Variants in ATP11C observed in about 807,000 individuals in gnomAD.
ATP11C encodes phospholipid-transporting ATPase IG.
Under a neutral mutation model 97.4 loss-of-function variants are expected in ATP11C, and 36 were observed. The ratio of observed to expected loss-of-function variants is 0.37; its 90% confidence interval spans 0.28 to 0.49. The LOEUF is 0.49. Among genes scored for constraint, ATP11C ranks in the 20% least tolerant of loss-of-function variants. The probability of loss-of-function intolerance (pLI) is 0.98; values close to 1 mark genes in which losing one functional copy is unlikely to be tolerated. For missense variants in ATP11C, 730 were observed against 824.6 expected (o/e 0.89, Z 1.40); for synonymous variants, 275 against 290.9 (o/e 0.95, Z 0.56).
chrX:139,789,127 T>C (rs963402732), intron 13 of ATP11C, among the ~76,000 whole-genome samples, 200 bp downstream of exon 13: 1 of 108,154 alleles, frequency 9.2e-6, no homozygotes, highest in African/African-American at 3.4e-5. Flanking sequence ...CGCTTGAACC[T>C]GGGAAGCGGA....
Position 139,787,218 on chromosome X carries a change from C to T in ATP11C, c.1547G>A (p.Arg516Gln), listed in dbSNP as rs367833293. 2.7e-5 allele frequency: 32 copies of T among 1,188,964 alleles called. No homozygotes were observed. The South Asian group carries it at 3.9e-4, about 15-fold the overall frequency. The change falls in exon 15 of 30, where the codon CGA becomes CAA. Residue 516 changes from arginine (R) to glutamine (Q), a missense_variant. Physicochemically the swap from Arg to Gln is conservative, Grantham distance 43. Transcript: ENST00000682941. ...GTTCTCTACTCTCATATATCCATTT[C>T]GATTTCCTAAAAATGTGAACCCGTA... ...KRYGFTFLGN[R>Q]NGYMRVENQR...
intron 23 of ATP11C, among the ~76,000 whole-genome samples, chrX:139,756,578 C>T (rs908111578): frequency 2.3e-4 from 26 of 111,594 alleles, no homozygotes; most frequent in African/African-American, 8.5e-4. Flanking sequence ...ACCTAAATTC[C>T]CATCAATGGT....
At chrX:139,819,274 A>G (rs1459950352) in intron 3 of ATP11C, 64 bp downstream of exon 3, 6 of 445,762 alleles carry the variant, frequency 1.3e-5, no homozygotes, top group Non-Finnish European at 2.2e-5. Flanking sequence ...TTAGAAATAG[A>G]TTGAAAATTC....
intron 19 of ATP11C, among the ~76,000 whole-genome samples, chrX:139,769,783 G>A: frequency 9.0e-6 from 1 of 111,017 alleles, no homozygotes; most frequent in Non-Finnish European, 1.9e-5. Context: ...AGTTTAACGT[G>A]CAAAGGAATC....
chrX:139,866,343 C>CAAAAAAAAAAA (rs57250412), intron 1 of ATP11C, among the ~76,000 whole-genome samples: 12 of 27,540 alleles, frequency 4.4e-4, no homozygotes, highest in Admixed American at 1.8e-3. Flanking sequence ...GACTCTGTCT[C>CAAAAAAAAAAA]AAAAAAAAAA....
At chrX:139,852,094 G>A (rs1045332755) in intron 1 of ATP11C, among the ~76,000 whole-genome samples, 1 of 108,313 alleles carries the variant, frequency 9.2e-6, no homozygotes, top group Non-Finnish European at 1.9e-5. Flanking sequence ...AATCGCTTGC[G>A]CCCAGGACAT....
chrX:139,914,253 A>T (rs1331525451), intron 1 of ATP11C, among the ~76,000 whole-genome samples: 1 of 112,171 alleles, frequency 8.9e-6, no homozygotes, highest in African/African-American at 3.2e-5. Flanking sequence ...GCTATAATGA[A>T]GATGTTGGAC....
chrX:139,846,373 A>G (rs1413330441), intron 1 of ATP11C, among the ~76,000 whole-genome samples: 3 of 112,366 alleles, frequency 2.7e-5, no homozygotes, highest in Non-Finnish European at 3.8e-5. Context: ...GAAATGGAGT[A>G]TATCTGATAA....
At chrX:139,740,742 AACAG>A (rs1308072700) in intron 27 of ATP11C, among the ~76,000 whole-genome samples, 1 of 111,311 alleles carries the variant, frequency 9.0e-6, no homozygotes, top group African/African-American at 3.3e-5. Context: ...AACACCTTCA[AACAG>A]ACAGAAGCTA....
At chrX:139,757,298 C>T (rs1447946151) in intron 23 of ATP11C, among the ~76,000 whole-genome samples, 1 of 111,703 alleles carries the variant, frequency 9.0e-6, no homozygotes, top group African/African-American at 3.2e-5. Context: ...GATGTCTCGC[C>T]ATCCTACCAC....
Position 139,819,333 on chromosome X carries a change from CT to C in ATP11C, c.237+4del. ...AAGTTAAGTGGCTGTTTAAGGAGCT[CT>C]TACCTGTACAAGGAAGATTATGAGA... On this transcript the variant is annotated splice_donor_region_variant and intron_variant, in intron 3 of 29. Coordinates refer to ENST00000682941, the MANE Select transcript of ATP11C (RefSeq NM_001353812.2). 1 of 997,968 alleles carries C rather than the reference CT, an allele frequency of 1.0e-6. No homozygotes were observed. Among genetic ancestry groups the C allele is most frequent in the South Asian group, 2.8e-5 (1 of 36,361 alleles). 82.2% of individuals were successfully genotyped at this position (997,968 alleles called of 1,213,427 possible). A position where few individuals can be genotyped will look rare whatever the true frequency, so the allele number is the denominator to read the frequency against.
intron 18 of ATP11C, among the ~76,000 whole-genome samples, chrX:139,776,054 C>T (rs2082342735): frequency 8.9e-6 from 1 of 112,052 alleles, no homozygotes; most frequent in African/African-American, 3.2e-5. Context: ...AAGGGCCCTC[C>T]TGGGACAAAA....
intron 2 of ATP11C, among the ~76,000 whole-genome samples, chrX:139,824,830 T>TA (rs1569473162): frequency 1.8e-5 from 2 of 112,317 alleles, no homozygotes; most frequent in African/African-American, 6.5e-5. Context: ...CCAATTAAGA[T>TA]AGTTATTTTT....
chrX:139,841,029 T>A (rs986143686), intron 1 of ATP11C, among the ~76,000 whole-genome samples: 141 of 112,438 alleles, frequency 1.3e-3, no homozygotes, highest in Middle Eastern at 4.7e-3. Context: ...AAAATTTTTT[T>A]AAAGACTCTG....
intron 1 of ATP11C, among the ~76,000 whole-genome samples, chrX:139,896,948 C>T (rs981669614): frequency 3.6e-5 from 4 of 111,126 alleles, no homozygotes; most frequent in African/African-American, 1.3e-4. Context: ...GGAAACTGAA[C>T]CAGGTGTGGT....
chrX:139,918,796 TG>T (rs1461527125), intron 1 of ATP11C, among the ~76,000 whole-genome samples: 1 of 108,836 alleles, frequency 9.2e-6, no homozygotes, highest in East Asian at 2.9e-4. Context: ...CTGCATGAAG[TG>T]GGGGAGCTGT....
chrX:139,920,062 C>A (rs747557062), intron 1 of ATP11C, among the ~76,000 whole-genome samples: 1 of 111,244 alleles, frequency 9.0e-6, no homozygotes, highest in African/African-American at 3.3e-5. Flanking sequence ...GTATTCTCTG[C>A]CTTCAAAAGG....
intron 22 of ATP11C, among the ~76,000 whole-genome samples, chrX:139,759,215 A>G (rs926724836): frequency 1.3e-4 from 14 of 111,745 alleles, no homozygotes; most frequent in Non-Finnish European, 2.4e-4. Flanking sequence ...ACCCACCAGA[A>G]TGTAAGTCTC....
intron 4 of ATP11C, among the ~76,000 whole-genome samples, chrX:139,816,379 A>G (rs759457969): frequency 3.6e-5 from 4 of 111,923 alleles, no homozygotes; most frequent in Non-Finnish European, 3.8e-5. Flanking sequence ...AAAGACATCC[A>G]TATCACAATC....
Sources: gnomAD v4.1 joint callset for allele counts (sites outside exome capture counted in the v4.1 genomes callset) on GRCh38, gnomAD v4.1.1 for gene constraint, MANE v1.5 for transcripts, NCBI Gene and HGNC (gene_info 2026-07-23, HGNC 2026-07-21) for gene names.